PRKCSH: variants seen among roughly 807,000 people sequenced by gnomAD.
PRKCSH encodes the protein glucosidase 2 subunit beta.
A neutral mutation model predicts 79.7 loss-of-function variants in PRKCSH; 42 were observed. The observed-to-expected ratio is 0.53, with a 90% CI of 0.41 to 0.68. The LOEUF is 0.68. Ranked by LOEUF, PRKCSH falls within the 30% of genes least tolerant of loss-of-function variation. The pLI is 0.00. For synonymous variants in PRKCSH, 325 were observed against 288.2 expected, an observed-to-expected ratio of 1.13 and a Z score of -1.29; for missense variants, 686 against 709.0, an observed-to-expected ratio of 0.97 and a Z score of 0.37.
chr19:11,445,705 C>T (rs1970265372), intron 8 of PRKCSH: 2 of 600,986 alleles, frequency 3.3e-6, no homozygotes, highest in Non-Finnish European at 6.0e-6. Context: ...GGCACAGACC[C>T]TCAGCCTCAG....
Position 11,438,071 on chromosome 19 carries a change from C to T in PRKCSH, c.297C>T (p.Cys99=). 1 of 1,614,140 alleles carries T rather than the reference C, an allele frequency of 6.2e-7. No homozygotes were observed. Among genetic ancestry groups the T allele is most frequent in the African/African-American group, 1.3e-5 (1 of 75,048 alleles). Residue 99 remains cysteine (C), a synonymous_variant, in exon 5 of 18, where the codon TGC becomes TGT. Coordinates refer to ENST00000677123, the MANE Select transcript of PRKCSH (RefSeq NM_001289104.2). The part of the protein sequence containing the change: ...SNRVNDGVCD[C]CDGTDEYNSG... ...TGGCTTCTGCCTCTGCCACAGACTG[C>T]TGCGATGGAACAGACGAGTACAACA...
rs549848306 is a variant in PRKCSH at position 11,442,586 on chromosome 19, G to A, written c.598+71G>A. The A allele has an allele frequency of 2.0e-5, 31 of 1,571,122 alleles. No individual in the cohort carries two copies. In the East Asian group the frequency reaches 4.2e-4, roughly 21 times the overall value. ...GCAGGTCTGGGCCTAGGAGTCTCCC[G>A]CTCATTATCTGTTGTCAGTTTCAGC... is the stretch of plus-strand genomic sequence containing the variant. On this transcript the variant is annotated intron_variant, in intron 7 of 17. Coordinates refer to ENST00000677123, the MANE Select transcript of PRKCSH (RefSeq NM_001289104.2).
At position 11,448,362 on chromosome 19, in the gene PRKCSH, A is replaced by G. The variant is rs1399219535; in HGVS notation, c.1196+71A>G. On this transcript the variant is annotated intron_variant, in intron 13 of 17. Coordinates refer to ENST00000677123, the MANE Select transcript of PRKCSH (RefSeq NM_001289104.2). The surrounding 1 kb of genome is among the most constrained non-coding windows in gnomAD (Gnocchi z 4.4). Reference sequence around the variant, plus strand: ...TCCTTGACTCCCAGGGGAGCTGGTGATGGGGAATCACTGAGGCAACCACAG... The same window carrying G: ...TCCTTGACTCCCAGGGGAGCTGGTGGTGGGGAATCACTGAGGCAACCACAG... 1 of 1,536,574 alleles carries G rather than the reference A, an allele frequency of 6.5e-7. No individual in the cohort carries two copies. The highest frequency in any genetic ancestry group is 8.8e-7 in the Non-Finnish European group (1 of 1,132,120).
Position 11,449,109 on chromosome 19 carries a change from C to T in PRKCSH, c.1395C>T (p.Asp465=), listed in dbSNP as rs138505797. 55 of 1,613,672 alleles carry T rather than the reference C, an allele frequency of 3.4e-5. No individual in the cohort carries two copies. The highest frequency in any genetic ancestry group is 8.3e-5 in the Admixed American group (5 of 59,998). Residue 465 remains aspartate, a synonymous_variant, in exon 16 of 18, where the codon GAC becomes GAT. Coordinates refer to ENST00000677123, the MANE Select transcript of PRKCSH (RefSeq NM_001289104.2). This position sits in a 1 kb window ranked among gnomAD's most constrained non-coding sequence, Gnocchi z 6.4. ...GCTCATGGATTGGCCCCGACCACGACAAGTTCAGTGCCATGAAGTATGAGC... is the reference window on the plus strand; with the variant it reads ...GCTCATGGATTGGCCCCGACCACGATAAGTTCAGTGCCATGAAGTATGAGC... ...TWGSWIGPDH[D]KFSAMKYEQG...
In PRKCSH at chr19:11,447,303, C is replaced by A; in HGVS notation, c.850-136C>A. On this transcript the variant is annotated intron_variant, in intron 10 of 17. Coordinates refer to ENST00000677123, the MANE Select transcript of PRKCSH (RefSeq NM_001289104.2). The surrounding 1 kb of genome is among the most constrained non-coding windows in gnomAD (Gnocchi z 5.6). ...AGCACCCCCCACCGAGACCCCCCGA[C>A]CCCAGCTGTCGGTCCTCCCTGCAGG... The A allele has an allele frequency of 4.5e-6, 6 of 1,330,434 alleles. No individual in the cohort carries two copies. The highest frequency in any genetic ancestry group is 6.3e-6 in the Non-Finnish European group (6 of 951,618). The allele number at this position is 1,330,434 out of a possible 1,614,324, so 82.4% of individuals were successfully genotyped here.
At chr19:11,439,435 T>TA (rs1364048358) in intron 5 of PRKCSH, among the ~76,000 whole-genome samples, 5 of 150,212 alleles carry the variant, frequency 3.3e-5, no homozygotes, top group Non-Finnish European at 7.4e-5. Context: ...AATTAAAAAG[T>TA]AAAAATAAAA....
chr19:11,442,484 G>C lies in PRKCSH; in HGVS notation c.567G>C (p.Glu189Asp). The change falls in exon 7 of 18, where the codon GAG becomes GAC. Residue 189 changes from glutamate to aspartate, a missense_variant. Glu to Asp is a conservative substitution (Grantham distance 45). Transcript: ENST00000677123. ...VKEEAEKPER[E>D]AKEQHQKLWE... The stretch of plus-strand genomic sequence containing the variant: ...AGGAAGCTGAGAAGCCAGAGAGAGA[G>C]GCCAAAGAGCAGCACCAGAAGCTGT... 1 of 1,611,902 alleles carries C rather than the reference G, an allele frequency of 6.2e-7. No homozygotes were observed. The highest frequency in any genetic ancestry group is 8.5e-7 in the Non-Finnish European group (1 of 1,179,346).
At chr19:11,436,660 G>A in intron 3 of PRKCSH, 155 bp downstream of exon 3, 1 of 699,508 alleles carries the variant, frequency 1.4e-6, no homozygotes, top group Admixed American at 2.1e-5. Flanking sequence ...GCCCCGGGCA[G>A]CTGGAGGAGC....
Position 11,450,930 on chromosome 19 carries a change from C to G in PRKCSH, c.*301C>G, listed in dbSNP as rs1005250654. ...AGTGGGGACTAGTGAATGACTTGAC[C>G]TGTGACCTCAATACAATAAATGTGA... On this transcript the variant is annotated 3_prime_UTR_variant, in exon 18 of 18. Transcript: ENST00000677123. 1.3e-5 allele frequency: 2 copies of G among 152,332 alleles called. No individual in the cohort carries two copies. Among genetic ancestry groups the G allele is most frequent in the African/African-American group, 4.8e-5 (2 of 41,460 alleles). The allele number at this position is 152,332 out of a possible 1,614,324, so 9.4% of individuals were successfully genotyped here. A position where few individuals can be genotyped will look rare whatever the true frequency, so the allele number is the denominator to read the frequency against.
chr19:11,442,105 ATGT>A (rs755964309), intron 6 of PRKCSH, among the ~76,000 whole-genome samples: 10 of 152,222 alleles, frequency 6.6e-5, no homozygotes, highest in Admixed American at 2.0e-4. Flanking sequence ...AGGGGTCTGA[ATGT>A]TGTCAGGGCG....
rs754020641 is a variant in PRKCSH, at chr19:11,447,704, G to A, written c.1041G>A (p.Pro347=). The A allele has an allele frequency of 3.0e-5, 48 of 1,580,846 alleles. No homozygotes were observed. The highest frequency in any genetic ancestry group is 3.9e-5 in the Non-Finnish European group (45 of 1,163,464). Residue 347 remains proline (P), a synonymous_variant, in exon 12 of 18, where the codon CCG becomes CCA. Transcript: ENST00000677123. The surrounding 1 kb of genome is among the most constrained non-coding windows in gnomAD (Gnocchi z 5.6). ...VQGEQPKEAP[P]PLSPPQPASP... Reference sequence around the variant, plus strand: ...TGCCCCTGCCCCAGGAGGCCCCACCGCCACTGTCACCCCCGCAGCCGGCCA... The same window carrying A: ...TGCCCCTGCCCCAGGAGGCCCCACCACCACTGTCACCCCCGCAGCCGGCCA...
In PRKCSH at chr19:11,447,498, G is replaced by A; in HGVS notation, c.909G>A (p.Glu303=). Residue 303 remains glutamate (E), a synonymous_variant, in exon 11 of 18, where the codon GAG becomes GAA. Transcript: ENST00000677123. The surrounding 1 kb of genome is among the most constrained non-coding windows in gnomAD (Gnocchi z 5.6). The stretch of plus-strand genomic sequence containing the variant: ...CTGACTTGACGGAGCCCAAGGAGGA[G>A]CAGCCGCCAGTGCCCTCGTCGCCCA... The part of the protein sequence containing the change: ...SAPDLTEPKE[E]QPPVPSSPTE... 6.2e-7 allele frequency: 1 copy of A among 1,613,442 alleles called. No homozygotes were observed. The highest frequency in any genetic ancestry group is 8.5e-7 in the Non-Finnish European group (1 of 1,179,798).
At chr19:11,445,767 G>C in intron 8 of PRKCSH, 2 of 508,594 alleles carry the variant, frequency 3.9e-6, no homozygotes, top group Admixed American at 3.2e-5. Flanking sequence ...GCCCCACTAC[G>C]CTCTGGGGAA....
rs768405270 is a variant in PRKCSH, at chr19:11,449,076, C to T, written c.1362C>T (p.Gly454=). The T allele has an allele frequency of 2.5e-6, 4 of 1,613,308 alleles. No individual in the cohort carries two copies. The highest frequency in any genetic ancestry group is 3.3e-5 in the Admixed American group (2 of 60,000). The change falls in exon 16 of 18, where the codon GGC becomes GGT. Residue 454 remains glycine (G), a splice_region_variant and synonymous_variant. Transcript: ENST00000677123. The surrounding 1 kb of genome is among the most constrained non-coding windows in gnomAD (Gnocchi z 6.4). ...CCTCAGCACCCTGTGTCTCTCACAG[C>T]ACCTGGGGCTCATGGATTGGCCCCG... ...PKLGGSPTSL[G]TWGSWIGPDH...
chr19:11,449,631 C>T lies in PRKCSH; in HGVS notation c.*16+203C>T, dbSNP rs985574009. 5 of 639,652 alleles carry T rather than the reference C, an allele frequency of 7.8e-6. No individual in the cohort carries two copies. The East Asian group carries it at 1.4e-4, about 18-fold the overall frequency. 39.6% of individuals were successfully genotyped at this position (639,652 alleles called of 1,614,324 possible). A position where few individuals can be genotyped will look rare whatever the true frequency, so the allele number is the denominator to read the frequency against. ...GACCTCAGCTGACTGCAACCTCTAC[C>T]TCCCGGGTTCAAACAATTGTCTTGT... On this transcript the variant is annotated intron_variant, in intron 17 of 17. Transcript: ENST00000677123. The surrounding 1 kb of genome is among the most constrained non-coding windows in gnomAD (Gnocchi z 6.4).
rs777087087 is a variant in PRKCSH, at chr19:11,436,146, C to T, written c.29C>T (p.Pro10Leu). The T allele has an allele frequency of 6.2e-6, 10 of 1,606,650 alleles. No homozygotes were observed. The East Asian group carries it at 2.0e-4, about 33-fold the overall frequency. The change falls in exon 2 of 18, where the codon CCC becomes CTC. Residue 10 changes from proline to leucine, a missense_variant. By Grantham distance (98) the Pro-to-Leu change is moderately conservative. This residue lies in a region of PRKCSH where 549 missense variants were observed against 520.2 expected (regional missense o/e 1.06). Coordinates refer to ENST00000677123, the MANE Select transcript of PRKCSH (RefSeq NM_001289104.2). MLLPLLLLL[P>L]MCWAVEVKRP... ...CTGTTGCCGCTGCTGCTGCTGCTACCCATGTGCTGGGCCGTGGAGGTCAAG... is the reference window on the plus strand; with the variant it reads ...CTGTTGCCGCTGCTGCTGCTGCTACTCATGTGCTGGGCCGTGGAGGTCAAG...
Position 11,448,099 on chromosome 19 carries a change from G to T in PRKCSH, c.1127-123G>T. On this transcript the variant is annotated intron_variant, in intron 12 of 17. Transcript: ENST00000677123. The surrounding 1 kb of genome is among the most constrained non-coding windows in gnomAD (Gnocchi z 4.4). Reference sequence around the variant, plus strand: ...GCTGGTGAGGCCCTCAAGGCTGTCGGGGTGAAGTCCTTGGCCAGAGCAAAA... The same window carrying T: ...GCTGGTGAGGCCCTCAAGGCTGTCGTGGTGAAGTCCTTGGCCAGAGCAAAA... 9.2e-7 allele frequency: 1 copy of T among 1,081,802 alleles called. No individual in the cohort carries two copies. Among genetic ancestry groups the T allele is most frequent in the Admixed American group, 2.0e-5 (1 of 49,962 alleles). The allele number at this position is 1,081,802 out of a possible 1,614,324, so 67.0% of individuals were successfully genotyped here. A position where few individuals can be genotyped will look rare whatever the true frequency, so the allele number is the denominator to read the frequency against.
chr19:11,448,881 G>A lies in PRKCSH; in HGVS notation c.1287-33G>A, dbSNP rs1971206. ...TGTGGGAGGAGGCTGGAATCCCTGC[G>A]TTCCCCAACCCATATGTCCCGGTCC... On this transcript the variant is annotated intron_variant, in intron 14 of 17. Coordinates refer to ENST00000677123, the MANE Select transcript of PRKCSH (RefSeq NM_001289104.2). This position sits in a 1 kb window ranked among gnomAD's most constrained non-coding sequence, Gnocchi z 4.4. 0.032 allele frequency: 52,117 copies of A among 1,613,168 alleles called. 1,079 individuals carry two copies. Among genetic ancestry groups the A allele is most frequent in the Admixed American group, 0.067 (4,029 of 60,030 alleles).
At chr19:11,435,771 T>G in intron 1 of PRKCSH, 65 bp downstream of exon 1, 3 of 1,384,314 alleles carry the variant, frequency 2.2e-6, no homozygotes, top group Non-Finnish European at 1.9e-6. Flanking sequence ...GGAGGGTGCA[T>G]GTGTGGGTGT....
Sources: gnomAD v4.1 joint callset for allele counts (sites outside exome capture counted in the v4.1 genomes callset) on GRCh38, gnomAD v4.1.1 for gene constraint, gnomAD v4.1.1 regional missense constraint, Gnocchi (gnomAD v3.1) non-coding constraint, MANE v1.5 for transcripts, NCBI Gene and HGNC (gene_info 2026-07-23, HGNC 2026-07-21) for gene names.